Variants in SLC45A2 observed in about 807,000 individuals in gnomAD.
SLC45A2 encodes the protein solute carrier family 45 member 2, also known as membrane-associated transporter protein.
SLC45A2 carries 36 observed loss-of-function variants against 45.5 expected under a neutral mutation model. The ratio of observed to expected loss-of-function variants is 0.79; its 90% CI spans 0.61 to 1.04. The LOEUF (loss-of-function observed/expected upper bound fraction) is 1.04. Ranked by LOEUF, SLC45A2 falls within the 50% of genes least tolerant of loss-of-function variation. The pLI is 0.00. For synonymous variants in SLC45A2, 306 were observed against 269.3 expected (o/e 1.14, Z -1.33); for missense variants, 719 against 671.0 (o/e 1.07, Z -0.79).
At chr5:33,965,319 A>G (rs1752577317) in intron 2 of SLC45A2, among the ~76,000 whole-genome samples, 3 of 152,268 alleles carry the variant, frequency 2.0e-5, no homozygotes, top group Admixed American at 6.5e-5. Context: ...AATGTCAAGT[A>G]CCATGAATCC....
intron 5 of SLC45A2, 112 bp from the exon 6 acceptor site, chr5:33,947,486 G>A: frequency 9.7e-7 from 1 of 1,032,966 alleles, no homozygotes; most frequent in East Asian, 2.5e-5. Flanking sequence ...CTTTGATACT[G>A]AGCCAGGAAC....
chr5:33,952,673 AGT>A (rs1491521478), intron 4 of SLC45A2, among the ~76,000 whole-genome samples: 96 of 75,246 alleles, frequency 1.3e-3, no homozygotes, highest in African/African-American at 3.1e-3. Context: ...ATTGAGCAAA[AGT>A]TTTTTTTTTT....
At chr5:33,965,067 T>C (rs1561365243) in intron 2 of SLC45A2, among the ~76,000 whole-genome samples, 1 of 152,212 alleles carries the variant, frequency 6.6e-6, no homozygotes, top group Non-Finnish European at 1.5e-5. Context: ...CAAAATTCTT[T>C]AAACGTCAAA....
At chr5:33,964,773 T>C (rs1399482116) in intron 2 of SLC45A2, among the ~76,000 whole-genome samples, 1 of 152,224 alleles carries the variant, frequency 6.6e-6, no homozygotes, top group Non-Finnish European at 1.5e-5. Context: ...ATCCTAATTA[T>C]CTGATATTTA....
chr5:33,966,477 A>C (rs1752608023), intron 2 of SLC45A2, among the ~76,000 whole-genome samples: 1 of 122,018 alleles, frequency 8.2e-6, no homozygotes, highest in Non-Finnish European at 1.6e-5. Context: ...TCTGTCGCCC[A>C]GGCCGGACTG....
intron 3 of SLC45A2, among the ~76,000 whole-genome samples, chr5:33,962,319 T>A (rs1449804211): frequency 6.6e-6 from 1 of 152,250 alleles, no homozygotes; most frequent in African/African-American, 2.4e-5. Context: ...CCCAAGCTGT[T>A]TGTTAAATGA....
intron 2 of SLC45A2, among the ~76,000 whole-genome samples, chr5:33,981,838 A>T (rs577331573): frequency 6.6e-6 from 1 of 152,322 alleles, no homozygotes; most frequent in African/African-American, 2.4e-5. Context: ...GCCCCGCCTT[A>T]GACTCACTGA....
rs2111915391 is a variant in SLC45A2, at chr5:33,951,613, C to T, written c.1097G>A (p.Gly366Glu). 3 of 1,614,176 alleles carry T rather than the reference C, an allele frequency of 1.9e-6. No homozygotes were observed. The highest frequency in any genetic ancestry group is 1.1e-5 in the South Asian group (1 of 91,082). ...CAAGCCCCAACATCCAACCTCGACT[C>T]CTCTTTCGTAGATGAGAAACTCTGT... ...NSTEFLIYER[G>E]VEVGCWGLCI... The change falls in exon 5 of 7, where the codon GGA becomes GAA. Residue 366 changes from glycine to glutamate, a missense_variant. Coordinates refer to ENST00000296589, the MANE Select transcript of SLC45A2 (RefSeq NM_016180.5).
chr5:33,970,055 G>A (rs1017004557), intron 2 of SLC45A2, among the ~76,000 whole-genome samples: 3 of 152,132 alleles, frequency 2.0e-5, no homozygotes, highest in African/African-American at 7.2e-5. Context: ...GGGAGCACAG[G>A]GCACAAATGC....
At chr5:33,947,106 C>T (rs1751952837) in intron 6 of SLC45A2, 57 bp downstream of exon 6, 2 of 1,614,018 alleles carry the variant, frequency 1.2e-6, no homozygotes, top group African/African-American at 1.3e-5. Context: ...CCAAATCCTC[C>T]CCAGCCTTCA....
intron 6 of SLC45A2, 139 bp from the exon 7 acceptor site, chr5:33,945,011 T>G: frequency 1.2e-6 from 1 of 806,278 alleles, no homozygotes. Flanking sequence ...TCATAACTAC[T>G]CAACTCTGCT....
At chr5:33,954,617 T>C in intron 3 of SLC45A2, 113 bp from the exon 4 acceptor site, 1 of 1,465,492 alleles carries the variant, frequency 6.8e-7, no homozygotes, top group South Asian at 1.2e-5. Flanking sequence ...TCACACAAAG[T>C]GTCACTTTTC....
At chr5:33,945,499 T>C (rs1227053375) in intron 6 of SLC45A2, among the ~76,000 whole-genome samples, 1 of 152,186 alleles carries the variant, frequency 6.6e-6, no homozygotes, top group African/African-American at 2.4e-5. Flanking sequence ...AACTGGCTGA[T>C]AACTTTGTCA....
At chr5:33,983,607 A>G (rs1753144786) in intron 1 of SLC45A2, among the ~76,000 whole-genome samples, 1 of 152,228 alleles carries the variant, frequency 6.6e-6, no homozygotes, top group Non-Finnish European at 1.5e-5. Flanking sequence ...ATGCAACTTT[A>G]TTGTACTACC....
intron 3 of SLC45A2, among the ~76,000 whole-genome samples, chr5:33,960,374 G>T (rs1056957161): frequency 1.8e-4 from 28 of 151,762 alleles, no homozygotes; most frequent in African/African-American, 5.3e-4. Context: ...GAATTGTGCT[G>T]CTGTAAACGT....
intron 2 of SLC45A2, among the ~76,000 whole-genome samples, chr5:33,970,237 G>A (rs1017471176): frequency 6.6e-6 from 1 of 152,204 alleles, no homozygotes; most frequent in African/African-American, 2.4e-5. Context: ...TCTGGATGGT[G>A]CCTAAACTGA....
chr5:33,973,221 T>G (rs913007585), intron 2 of SLC45A2, among the ~76,000 whole-genome samples: 7 of 152,296 alleles, frequency 4.6e-5, no homozygotes, highest in African/African-American at 1.7e-4. Flanking sequence ...CTAATCTGAC[T>G]TGGAGATTCT....
At chr5:33,946,927 C>A (rs528709763) in intron 6 of SLC45A2, 114 of 1,435,554 alleles carry the variant, frequency 7.9e-5, no homozygotes, top group Non-Finnish European at 1.0e-4. Flanking sequence ...ACACTTCTTG[C>A]CCTACAGCTC....
rs776695707 is a variant in SLC45A2 at position 33,982,399 on chromosome 5, G to T, written c.399C>A (p.Asn133Lys). ...GATVVAALIA[N>K]PRRKLVWAIS... is the part of the protein sequence containing the mutation. ...TGGCCCAAACCAGCTTCCTCCTTGG[G>T]TTAGCAATCAAAGCTAAAAGAAAAA... The change falls in exon 2 of 7, where the codon AAC (asparagine) becomes AAA (lysine). Residue 133 changes from asparagine to lysine, a missense_variant. Physicochemically the swap from Asn to Lys is moderately conservative, Grantham distance 94 (BLOSUM62 0). Coordinates refer to ENST00000296589, the MANE Select transcript of SLC45A2 (RefSeq NM_016180.5). The T allele has an allele frequency of 6.2e-7, 1 of 1,614,060 alleles. No individual in the cohort carries two copies. Among genetic ancestry groups the T allele is most frequent in the Non-Finnish European group, 8.5e-7 (1 of 1,179,982 alleles).
Sources: allele counts gnomAD v4.1 joint callset (sites outside exome capture counted in the v4.1 genomes callset), GRCh38; gene constraint gnomAD v4.1.1; transcripts MANE v1.5; gene names NCBI Gene and HGNC (gene_info 2026-07-23, HGNC 2026-07-21).